Variants in SHF observed in about 807,000 individuals in gnomAD.
The protein encoded by SHF is Src homology 2 domain containing F, also known as SH2 domain-containing adapter protein F.
In SHF, 30 loss-of-function variants were observed where a neutral mutation model predicts 42.4. The observed-to-expected ratio is 0.71, with a 90% CI of 0.53 to 0.96. The LOEUF (loss-of-function observed/expected upper bound fraction) is 0.96, where lower values mean the gene tolerates loss of function less well. Ranked by LOEUF, SHF falls within the 40% of genes least tolerant of loss-of-function variation. The pLI is 0.00. For missense variants in SHF, 598 were observed against 634.0 expected, an observed-to-expected ratio of 0.94 and a Z score of 0.61; for synonymous variants, 264 against 269.9, an observed-to-expected ratio of 0.98 and a Z score of 0.21.
intron 6 of SHF, among the ~76,000 whole-genome samples, chr15:45,169,726 G>C (rs926210351): frequency 5.3e-5 from 8 of 152,242 alleles, no homozygotes; most frequent in South Asian, 2.1e-4. Context: ...AGTGGCCAGA[G>C]AGCTCAGCCG....
chr15:45,178,433 T>A (rs1897944526), intron 1 of SHF, 127 bp from the exon 2 acceptor site: 3 of 1,135,154 alleles, frequency 2.6e-6, no homozygotes, highest in African/African-American at 1.6e-5. Flanking sequence ...CCCCAGGTAC[T>A]CAAAGGAAGG....
chr15:45,173,321 C>T (rs1313307565), intron 4 of SHF, among the ~76,000 whole-genome samples: 2 of 152,198 alleles, frequency 1.3e-5, no homozygotes, highest in African/African-American at 4.8e-5. Flanking sequence ...GCAAAGCTCT[C>T]CCCAAAGTGA....
At chr15:45,195,154 AAT>A (rs1021751620) in intron 2 of SHF, among the ~76,000 whole-genome samples, 5 of 152,190 alleles carry the variant, frequency 3.3e-5, no homozygotes, top group Non-Finnish European at 1.5e-5. Context: ...ATGGTTATTT[AAT>A]ATATCACCAA....
intron 2 of SHF, among the ~76,000 whole-genome samples, chr15:45,177,382 G>T (rs1188576146): frequency 6.6e-6 from 1 of 152,176 alleles, no homozygotes; most frequent in Non-Finnish European, 1.5e-5. Context: ...TAAGCCCATT[G>T]CAGTGAACAT....
exon 1 of SHF, chr15:45,200,859 T>C (rs1899067652): frequency 2.2e-6 from 1 of 456,308 alleles, no homozygotes; most frequent in Admixed American, 2.3e-5. Context: ...TCAGAGAGAC[T>C]TTGGGCCACC....
At chr15:45,198,436 T>TA (rs1234806812) in intron 2 of SHF, 1 of 258,708 alleles carries the variant, frequency 3.9e-6, no homozygotes, top group Non-Finnish European at 7.4e-6. Context: ...GTTGAAGCTG[T>TA]ATCAGAGCAT....
chr15:45,170,646 T>A, intron 6 of SHF: 1 of 82,736 alleles, frequency 1.2e-5, no homozygotes, highest in Non-Finnish European at 1.9e-5. Flanking sequence ...TATCTTTTTC[T>A]TTTTTTTTTT....
intron 2 of SHF, 65 bp from the exon 3 acceptor site, chr15:45,175,490 C>T (rs1165486978): frequency 1.1e-5 from 17 of 1,496,396 alleles, no homozygotes; most frequent in Non-Finnish European, 1.5e-5. Flanking sequence ...TCCCCTCCTC[C>T]AATGCTTCTC....
At chr15:45,194,921 T>C (rs532356602) in intron 2 of SHF, among the ~76,000 whole-genome samples, 1 of 152,264 alleles carries the variant, frequency 6.6e-6, no homozygotes, top group South Asian at 2.1e-4. Flanking sequence ...CTCAACCTCC[T>C]GGGTTCAAGC....
intron 3 of SHF, among the ~76,000 whole-genome samples, chr15:45,174,654 T>C (rs1897698295): frequency 6.6e-6 from 1 of 152,168 alleles, no homozygotes; most frequent in Non-Finnish European, 1.5e-5. Flanking sequence ...AACATGAACT[T>C]TTCCATGGTG....
chr15:45,189,149 C>T (rs1262469038), upstream of SHF, among the ~76,000 whole-genome samples: 1 of 147,376 alleles, frequency 6.8e-6, no homozygotes, highest in African/African-American at 2.5e-5. Flanking sequence ...GCTGAGATTG[C>T]GCGACTGCAC....
intron 3 of SHF, 25 bp downstream of exon 3, chr15:45,175,194 A>C (rs1383940726): frequency 1.4e-5 from 22 of 1,591,944 alleles, no homozygotes; most frequent in Non-Finnish European, 1.8e-5. Context: ...GCCCCAGCTG[A>C]CCTGCCCTCT....
At chr15:45,198,575 C>A in intron 2 of SHF, 1 of 555,778 alleles carries the variant, frequency 1.8e-6, no homozygotes, top group Non-Finnish European at 3.0e-6. Context: ...AAAAAAATAC[C>A]GAGCCCCTTG....
At chr15:45,195,970 T>C (rs1485576158) in intron 2 of SHF, among the ~76,000 whole-genome samples, 1 of 152,214 alleles carries the variant, frequency 6.6e-6, no homozygotes, top group Non-Finnish European at 1.5e-5. Context: ...CAGAGCTCCA[T>C]TTGGGCCAAG....
At chr15:45,198,700 G>C in intron 2 of SHF, 2 of 1,531,054 alleles carry the variant, frequency 1.3e-6, no homozygotes, top group Middle Eastern at 1.7e-4. Context: ...ACCCGTAGGG[G>C]TTGGCTTCTG....
intron 1 of SHF, among the ~76,000 whole-genome samples, chr15:45,182,845 A>AT (rs1245414904): frequency 6.6e-6 from 1 of 152,222 alleles, no homozygotes; most frequent in Non-Finnish European, 1.5e-5. Flanking sequence ...GTTCCTGCTT[A>AT]TTGGAATGTC....
At chr15:45,197,253 A>G (rs1898895815) in intron 2 of SHF, among the ~76,000 whole-genome samples, 1 of 9,994 alleles carries the variant, frequency 1.0e-4, no homozygotes, top group African/African-American at 1.1e-4. Flanking sequence ...TGTCTCTAAA[A>G]AAAAAAAAAA....
intron 4 of SHF, among the ~76,000 whole-genome samples, chr15:45,173,162 C>T (rs1311067459): frequency 6.6e-6 from 1 of 152,178 alleles, no homozygotes; most frequent in Admixed American, 6.5e-5. Context: ...GGCTCTTTTT[C>T]TCTCCTTGTA....
chr15:45,198,563 G>A (rs937587996), intron 2 of SHF: 3 of 539,684 alleles, frequency 5.6e-6, no homozygotes, highest in African/African-American at 1.9e-5. Flanking sequence ...ACAAAAAAGG[G>A]GAAAAAAATA....
Sources: gnomAD v4.1 joint callset for allele counts (sites outside exome capture counted in the v4.1 genomes callset) on GRCh38, gnomAD v4.1.1 for gene constraint, MANE v1.5 for transcripts, NCBI Gene and HGNC (gene_info 2026-07-23, HGNC 2026-07-21) for gene names.